The following COPS5 variants were observed in gnomAD, a reference collection of about 807,000 sequenced individuals.
COPS5 encodes the protein COP9 signalosome complex subunit 5.
Under a neutral mutation model 44.4 loss-of-function variants are expected in COPS5, and 8 were observed. The ratio of observed to expected loss-of-function variants is 0.18; its 90% CI spans 0.11 to 0.32. The LOEUF (loss-of-function observed/expected upper bound fraction) is 0.32, where lower values mean the gene tolerates loss of function less well. Among genes scored for constraint, COPS5 ranks in the 10% least tolerant of loss-of-function variants. The pLI is 1.00. For missense variants in COPS5, 159 were observed against 406.4 expected (o/e 0.39, Z 5.23); for synonymous variants, 122 against 142.8 (o/e 0.85, Z 1.04).
At chr8:67,056,638 A>AAG (rs1804506404) in intron 4 of COPS5, 34 bp from the exon 5 acceptor site, 4 of 50,040 alleles carry the variant, frequency 8.0e-5, no homozygotes. Flanking sequence ...AAGATTAAGA[A>AAG]AAAAAAAAAA....
At chr8:67,047,557 T>TA in intron 6 of COPS5, 1 of 363,210 alleles carries the variant, frequency 2.8e-6, no homozygotes, top group Non-Finnish European at 5.0e-6. Context: ...GAAAATAACT[T>TA]AGGTTACATG....
At chr8:67,060,524 G>C (rs1804573291) in intron 1 of COPS5, 1 of 1,288,868 alleles carries the variant, frequency 7.8e-7, no homozygotes, top group Admixed American at 2.3e-5. Flanking sequence ...GACATGAATC[G>C]AAATCTTGGC....
rs375914469 is a variant in COPS5 at position 67,056,636 on chromosome 8, GAA to G, written c.574-34_574-33del. ...AAAAATGAGGTAAACAGAAGATTAA[GAA>G]AAAAAAAAAAAAAAATATATATATA... On this transcript the variant is annotated intron_variant, in intron 4 of 7. Coordinates refer to ENST00000357849, the MANE Select transcript of COPS5 (RefSeq NM_006837.3). The G allele has an allele frequency of 4.4e-3, 62 of 14,170 alleles. 5 individuals carry two copies. The highest frequency in any genetic ancestry group is 7.9e-3 in the African/African-American group (8 of 1,018). 0.9% of individuals were successfully genotyped at this position (14,170 alleles called of 1,614,324 possible).
intron 6 of COPS5, among the ~76,000 whole-genome samples, chr8:67,050,670 C>G (rs1014185721): frequency 6.7e-6 from 1 of 148,800 alleles, no homozygotes; most frequent in Admixed American, 6.8e-5. Context: ...GAACATGAAG[C>G]TGAGAGACTT....
intron 6 of COPS5, among the ~76,000 whole-genome samples, chr8:67,050,146 C>T (rs12543468): frequency 2.6e-5 from 4 of 152,054 alleles, no homozygotes; most frequent in East Asian, 3.9e-4. Context: ...GGACTACAGG[C>T]GCCCACCACC....
Position 67,056,512 on chromosome 8 carries a change from T to G in COPS5, c.659+7A>C. On this transcript the variant is annotated splice_region_variant and intron_variant, in intron 5 of 7. Coordinates refer to ENST00000357849, the MANE Select transcript of COPS5 (RefSeq NM_006837.3). The stretch of plus-strand genomic sequence containing the variant: ...GCCTGGCCCAGATATGTTTTTAAAT[T>G]ACTTACTGTTTGCAGTGTACACCAA... 1 of 1,117,442 alleles carries G rather than the reference T, an allele frequency of 8.9e-7. No homozygotes were observed. Among genetic ancestry groups the G allele is most frequent in the Non-Finnish European group, 1.3e-6 (1 of 762,056 alleles). 69.2% of individuals were successfully genotyped at this position (1,117,442 alleles called of 1,614,324 possible). A position where few individuals can be genotyped will look rare whatever the true frequency, so the allele number is the denominator to read the frequency against.
At chr8:67,051,087 CTG>C (rs1804406655) in intron 6 of COPS5, 141 bp downstream of exon 6, 1 of 622,384 alleles carries the variant, frequency 1.6e-6, no homozygotes. Flanking sequence ...CCTAATCCAG[CTG>C]TGGTGGTGCA....
chr8:67,050,558 AGTGTGTGTGT>A (rs34629150), intron 6 of COPS5, among the ~76,000 whole-genome samples: 9 of 141,092 alleles, frequency 6.4e-5, no homozygotes, highest in African/African-American at 7.8e-5. Flanking sequence ...TGTGAGTGTG[AGTGTGTGTGT>A]GTGTGTGTGT....
rs1816717299 is a variant in COPS5 at position 67,047,627 on chromosome 8, T to G, written c.772-1667A>C. 3 of 476,940 alleles carry G rather than the reference T, an allele frequency of 6.3e-6. No homozygotes were observed. The East Asian group carries it at 8.9e-5, about 14-fold the overall frequency. 29.5% of individuals were successfully genotyped at this position (476,940 alleles called of 1,614,324 possible). A position where few individuals can be genotyped will look rare whatever the true frequency, so the allele number is the denominator to read the frequency against. On this transcript the variant is annotated intron_variant, in intron 6 of 7. Coordinates refer to ENST00000357849, the MANE Select transcript of COPS5 (RefSeq NM_006837.3). ...AGTTGAACATATATCTACATATTTG[T>G]TCTTAAAATGCTGCAATGTACTATA...
At chr8:67,050,837 C>G (rs569041011) in intron 6 of COPS5, among the ~76,000 whole-genome samples, 14 of 151,710 alleles carry the variant, frequency 9.2e-5, no homozygotes, top group Non-Finnish European at 7.4e-5. Context: ...AAGCCCTATT[C>G]CTCAACTTTG....
chr8:67,047,791 C>A, intron 6 of COPS5: 1 of 702,500 alleles, frequency 1.4e-6, no homozygotes, highest in Non-Finnish European at 2.6e-6. Context: ...TCAGACTGTT[C>A]TGGTCTTAAC....
chr8:67,045,484 C>A, intron 7 of COPS5: 1 of 226,432 alleles, frequency 4.4e-6, no homozygotes, highest in Non-Finnish European at 8.7e-6. Flanking sequence ...GTTACACACA[C>A]ATACACACAC....
Position 67,062,086 on chromosome 8 carries a change from C to G in COPS5, c.-90G>C, listed in dbSNP as rs766867960. 3.8e-6 allele frequency: 6 copies of G among 1,593,436 alleles called. No homozygotes were observed. In the South Asian group the frequency reaches 4.5e-5, roughly 12 times the overall value. ...CGGGTGTGGGCCTTGACCCTCCGCA[C>G]CACGGGAACAAACTCTTACCTAGAC... On this transcript the variant is annotated 5_prime_UTR_variant, in exon 1 of 8. Coordinates refer to ENST00000357849, the MANE Select transcript of COPS5 (RefSeq NM_006837.3).
At chr8:67,050,341 C>T (rs1486809217) in intron 6 of COPS5, among the ~76,000 whole-genome samples, 1 of 152,118 alleles carries the variant, frequency 6.6e-6, no homozygotes, top group African/African-American at 2.4e-5. Context: ...TAAAGTAATG[C>T]TCTTCTGATT....
chr8:67,043,485 T>A (rs913732421), intron 7 of COPS5, 168 bp from the exon 8 acceptor site: 19 of 499,136 alleles, frequency 3.8e-5, no homozygotes, highest in Admixed American at 4.0e-5. Flanking sequence ...GTCTTCCCCA[T>A]GTCTTTTTGA....
intron 7 of COPS5, chr8:67,044,429 A>T (rs906045007): frequency 2.6e-5 from 4 of 152,166 alleles, no homozygotes; most frequent in African/African-American, 7.2e-5. Context: ...AGGCTAACCC[A>T]AAATGACCTC....
chr8:67,052,462 G>C (rs1804431045), intron 5 of COPS5, among the ~76,000 whole-genome samples: 1 of 149,826 alleles, frequency 6.7e-6, no homozygotes, highest in Non-Finnish European at 1.5e-5. Flanking sequence ...TGGTCACCCA[G>C]GCTGGAGTGC....
In COPS5 at chr8:67,061,941, ATGT is replaced by A. The variant is rs1224966985; in HGVS notation, c.53_55del (p.Asn18del). 1 of 1,614,180 alleles carries A rather than the reference ATGT, an allele frequency of 6.2e-7. No homozygotes were observed. The highest frequency in any genetic ancestry group is 1.1e-5 in the South Asian group (1 of 91,082). ...TTCATCGATACTCTGAGCTTCCTGC[ATGT>A]TGTTGGCCAGTTCCCAGGTTTTCTG... On this transcript the variant is annotated inframe_deletion, in exon 1 of 8. Coordinates refer to ENST00000357849, the MANE Select transcript of COPS5 (RefSeq NM_006837.3).
chr8:67,047,903 A>G (rs1816719774), intron 6 of COPS5: 1 of 702,576 alleles, frequency 1.4e-6, no homozygotes, highest in Admixed American at 2.0e-5. Context: ...TTTCTGGCAC[A>G]TAGGAAGCAT....
Sources: allele counts gnomAD v4.1 joint callset (sites outside exome capture counted in the v4.1 genomes callset), GRCh38; gene constraint gnomAD v4.1.1; transcripts MANE v1.5; gene names NCBI Gene and HGNC (gene_info 2026-07-23, HGNC 2026-07-21).